The following RGSL1 variants were observed in gnomAD, a reference collection of about 807,000 sequenced individuals.
RGSL1 encodes regulator of G protein signaling like 1, also known as regulator of G protein signaling protein-like.
Under a neutral mutation model 124.7 loss-of-function variants are expected in RGSL1, and 97 were observed. The ratio of observed to expected loss-of-function variants is 0.78; its 90% CI spans 0.66 to 0.92. RGSL1 has a LOEUF of 0.92. Among genes scored for constraint, RGSL1 ranks in the 40% least tolerant of loss-of-function variants. The pLI is 0.00. For missense variants in RGSL1, 1,233 were observed against 1,288.4 expected (o/e 0.96, Z 0.66); for synonymous variants, 424 against 438.1 (o/e 0.97, Z 0.40).
intron 6 of RGSL1, among the ~76,000 whole-genome samples, chr1:182,475,689 G>A (rs1654235377): frequency 6.6e-6 from 1 of 151,076 alleles, no homozygotes; most frequent in Non-Finnish European, 1.5e-5. Flanking sequence ...CTCTGCTCCT[G>A]ATTTCCCATC....
chr1:182,530,983 C>T, intron 13 of RGSL1, 73 bp downstream of exon 13: 1 of 1,471,858 alleles, frequency 6.8e-7, no homozygotes, highest in Non-Finnish European at 9.1e-7. Flanking sequence ...GTTTTTAAAT[C>T]CCCATTTTGC....
chr1:182,519,661 C>T (rs1658179433), intron 9 of RGSL1, among the ~76,000 whole-genome samples: 1 of 151,826 alleles, frequency 6.6e-6, no homozygotes, highest in African/African-American at 2.4e-5. Context: ...AGTATTTTTC[C>T]TGCTCCATTC....
chr1:182,465,656 T>A (rs1011292952), intron 4 of RGSL1, among the ~76,000 whole-genome samples: 9 of 152,024 alleles, frequency 5.9e-5, no homozygotes, highest in African/African-American at 2.2e-4. Flanking sequence ...GCAAAGAGAT[T>A]AAAACAGTAA....
At chr1:182,463,345 T>G (rs1189162144) in intron 4 of RGSL1, among the ~76,000 whole-genome samples, 2 of 151,634 alleles carry the variant, frequency 1.3e-5, no homozygotes, top group East Asian at 3.9e-4. Context: ...GGATTAAACT[T>G]TCCAATAAAA....
In RGSL1 at chr1:182,474,355, A is replaced by G. The variant is rs1053761177; in HGVS notation, c.1244A>G (p.Asn415Ser). The G allele has an allele frequency of 4.4e-5, 69 of 1,551,768 alleles. No individual in the cohort carries two copies. The East Asian group carries it at 1.7e-3, about 37-fold the overall frequency. ...CAGCATTTCCTCAGTGTCCTTCTGA[A>G]TAACAAAAAGAATGGGAATGCAATC... ...DLQHFLSVLL[N>S]NKKNGNAIFR... Residue 415 changes from asparagine (N) to serine (S), a missense_variant, in exon 6 of 22, where the codon AAT (asparagine) becomes AGT (serine). Physicochemically the swap from Asn to Ser is conservative, Grantham distance 46 (BLOSUM62 1). Transcript: ENST00000294854.
chr1:182,464,260 T>C (rs1346681575), intron 4 of RGSL1, among the ~76,000 whole-genome samples: 1 of 152,126 alleles, frequency 6.6e-6, no homozygotes, highest in African/African-American at 2.4e-5. Context: ...AACACAACTT[T>C]ACAACTTAAG....
intron 8 of RGSL1, among the ~76,000 whole-genome samples, chr1:182,492,264 C>T (rs1158045618): frequency 2.0e-5 from 3 of 152,112 alleles, no homozygotes; most frequent in South Asian, 2.1e-4. Context: ...GCGGGAGTAT[C>T]GCTAGAATCT....
chr1:182,539,660 T>G (rs976466150), intron 14 of RGSL1, among the ~76,000 whole-genome samples: 1 of 152,220 alleles, frequency 6.6e-6, no homozygotes, highest in Non-Finnish European at 1.5e-5. Flanking sequence ...TCCCTACGAA[T>G]AGATGTCTTT....
At chr1:182,465,770 T>C (rs1653268379) in intron 4 of RGSL1, among the ~76,000 whole-genome samples, 1 of 152,108 alleles carries the variant, frequency 6.6e-6, no homozygotes, top group East Asian at 1.9e-4. Context: ...TCTTAAACTG[T>C]TCCAAAAGAT....
At chr1:182,464,982 AC>A (rs1219080915) in intron 4 of RGSL1, among the ~76,000 whole-genome samples, 1 of 151,246 alleles carries the variant, frequency 6.6e-6, no homozygotes, top group Non-Finnish European at 1.5e-5. Flanking sequence ...TAGCTGAGGA[AC>A]GAGGATTGCT....
intron 2 of RGSL1, 92 bp downstream of exon 2, chr1:182,454,132 T>C: frequency 1.3e-6 from 1 of 756,076 alleles, no homozygotes; most frequent in Non-Finnish European, 2.2e-6. Context: ...TTGTTTGTTG[T>C]TATTTGGGGT....
chr1:182,521,334 A>G (rs475319), intron 9 of RGSL1, among the ~76,000 whole-genome samples: 131,604 of 152,242 alleles, frequency 0.86, 57,210 homozygotes, highest in Non-Finnish European at 0.89. Flanking sequence ...GCTTCCCAAA[A>G]TGCTGGGATT....
chr1:182,470,904 A>C (rs1446251847), intron 4 of RGSL1, among the ~76,000 whole-genome samples: 1 of 152,214 alleles, frequency 6.6e-6, no homozygotes, highest in Non-Finnish European at 1.5e-5. Flanking sequence ...GAGTATTCAC[A>C]GAGTAAAATG....
rs4472727 is a variant in RGSL1 at position 182,538,246 on chromosome 1, A to C, written c.2495-2001A>C. On this transcript the variant is annotated intron_variant, in intron 14 of 21. Transcript: ENST00000294854. The stretch of plus-strand genomic sequence containing the variant: ...GACGTTCCGATAAAAAAGTTTCAGC[A>C]GGCTGGGGCTGGTGGCTCAAGCCTG... 9.6e-3 allele frequency among the ~76,000 whole-genome samples: 1,456 copies of C among 152,302 alleles called. 23 individuals are homozygous for C. Among genetic ancestry groups the C allele is most frequent in the African/African-American group, 0.033 (1,388 of 41,560 alleles).
chr1:182,464,478 C>T (rs1653106642), intron 4 of RGSL1, among the ~76,000 whole-genome samples: 1 of 152,040 alleles, frequency 6.6e-6, no homozygotes, highest in African/African-American at 2.4e-5. Context: ...AATCCCAGCA[C>T]TTTGGGAGGC....
intron 9 of RGSL1, among the ~76,000 whole-genome samples, chr1:182,493,789 C>G (rs1269793016): frequency 6.6e-6 from 1 of 152,200 alleles, no homozygotes. Flanking sequence ...AGCCAACACT[C>G]AGGCATCTAG....
chr1:182,490,390 G>A (rs1368745079), intron 8 of RGSL1, among the ~76,000 whole-genome samples: 1 of 152,142 alleles, frequency 6.6e-6, no homozygotes, highest in Non-Finnish European at 1.5e-5. Flanking sequence ...TAAGTAAATG[G>A]TACTTGTTAG....
intron 17 of RGSL1, 48 bp from the exon 18 acceptor site, chr1:182,551,052 C>G (rs1412865085): frequency 1.5e-6 from 2 of 1,319,628 alleles, no homozygotes; most frequent in South Asian, 1.3e-5. Context: ...GCTCCAGCCC[C>G]CTCCACTGGG....
At chr1:182,509,445 A>AC (rs1339166878) in intron 9 of RGSL1, among the ~76,000 whole-genome samples, 1 of 27,438 alleles carries the variant, frequency 3.6e-5, no homozygotes, top group East Asian at 5.4e-4. Context: ...CAGAGGGCTG[A>AC]CCCCCCCACC....
Sources: gnomAD v4.1 joint callset for allele counts (sites outside exome capture counted in the v4.1 genomes callset) on GRCh38, gnomAD v4.1.1 for gene constraint, MANE v1.5 for transcripts, NCBI Gene and HGNC (gene_info 2026-07-23, HGNC 2026-07-21) for gene names.